CNKSR2: variants seen among roughly 807,000 people sequenced by gnomAD.
CNKSR2 encodes CNK homolog protein 2.
In CNKSR2, 14 loss-of-function variants were observed where a neutral mutation model predicts 84.4. The observed-to-expected ratio is 0.17, with a 90% CI of 0.11 to 0.26. The LOEUF is 0.26. Ranked by LOEUF, CNKSR2 falls within the 10% of genes least tolerant of loss-of-function variation. The pLI, the probability that CNKSR2 is intolerant of heterozygous loss-of-function variation, is 1.00. For missense variants in CNKSR2, 485 were observed against 771.2 expected (o/e 0.63, Z 4.40); for synonymous variants, 275 against 277.9 (o/e 0.99, Z 0.10).
rs2092580478 is a variant in CNKSR2 at position 21,617,113 on chromosome X, T to A, written c.2692+7496T>A. ...GCAAGTTATGATTTATGTTATGTTA[T>A]TTTTTTTTACTGAGAGAGATTATTA... On this transcript the variant is annotated intron_variant, in intron 20 of 21. Coordinates refer to ENST00000379510, the MANE Select transcript of CNKSR2 (RefSeq NM_014927.5). Among the ~76,000 whole-genome samples, 4 of 109,725 alleles carry A rather than the reference T, an allele frequency of 3.6e-5. No individual in the cohort carries two copies. In the South Asian group the frequency reaches 1.5e-3, roughly 42 times the overall value.
chrX:21,542,160 A>G (rs936831262), intron 11 of CNKSR2, among the ~76,000 whole-genome samples: 2 of 112,418 alleles, frequency 1.8e-5, no homozygotes. Flanking sequence ...AGAGTATAAA[A>G]TAGGTTTACT....
intron 8 of CNKSR2, among the ~76,000 whole-genome samples, chrX:21,512,873 T>G (rs938802401): frequency 8.9e-6 from 1 of 111,786 alleles, no homozygotes; most frequent in Non-Finnish European, 1.9e-5. Flanking sequence ...ATACTGTGCT[T>G]TAGAATTGAA....
rs941334192 is a variant in CNKSR2, at chrX:21,374,613, G to A, written c.-285G>A. Reference sequence around the variant, plus strand: ...GGCGGAGGCAGCAGCAGCAGCAGCAGCAGCAGCAGCAGCAGCAGCCGCCGC... The same window carrying A: ...GGCGGAGGCAGCAGCAGCAGCAGCAACAGCAGCAGCAGCAGCAGCCGCCGC... On this transcript the variant is annotated 5_prime_UTR_variant, in exon 1 of 22. Transcript: ENST00000379510. The A allele has an allele frequency of 9.7e-5, 49 of 503,785 alleles. 1 individual carries two copies. The East Asian group carries it at 1.5e-3, about 15-fold the overall frequency. The allele number at this position is 503,785 out of a possible 1,213,427, so 41.5% of individuals were successfully genotyped here.
chrX:21,532,503 C>G (rs1243967048), intron 11 of CNKSR2, among the ~76,000 whole-genome samples: 10 of 109,537 alleles, frequency 9.1e-5, no homozygotes, highest in Admixed American at 8.8e-4. Context: ...AAATTCTCAC[C>G]TCAGTTTTTG....
At chrX:21,381,205 G>A in intron 1 of CNKSR2, among the ~76,000 whole-genome samples, 1 of 111,460 alleles carries the variant, frequency 9.0e-6, no homozygotes, top group Non-Finnish European at 1.9e-5. Flanking sequence ...TTATATTCAT[G>A]ATGTAGAAAG....
At chrX:21,416,193 AAAT>A (rs1484034549) in intron 1 of CNKSR2, among the ~76,000 whole-genome samples, 1 of 112,059 alleles carries the variant, frequency 8.9e-6, no homozygotes, top group Non-Finnish European at 1.9e-5. Flanking sequence ...GCATCAAATG[AAAT>A]GATCAGATGG....
chrX:21,492,626 T>C (rs2091453681), intron 6 of CNKSR2: 1 of 111,355 alleles, frequency 9.0e-6, no homozygotes, highest in African/African-American at 3.3e-5. Flanking sequence ...ACTTTAAAAC[T>C]GAAATTACTT....
chrX:21,450,485 A>T (rs1442580182), intron 4 of CNKSR2, among the ~76,000 whole-genome samples: 2 of 112,004 alleles, frequency 1.8e-5, no homozygotes, highest in African/African-American at 6.5e-5. Flanking sequence ...CAATCTAAAT[A>T]GATAAAAGAG....
intron 20 of CNKSR2, among the ~76,000 whole-genome samples, chrX:21,646,183 T>TTGG (rs2092706408): frequency 9.0e-6 from 1 of 111,305 alleles, no homozygotes; most frequent in African/African-American, 3.3e-5. Context: ...GGAGCCACAC[T>TTGG]ATCCCATTAC....
chrX:21,545,006 C>G (rs1416776646), intron 11 of CNKSR2, among the ~76,000 whole-genome samples: 1 of 111,099 alleles, frequency 9.0e-6, no homozygotes, highest in African/African-American at 3.3e-5. Context: ...TTTTTCCTAC[C>G]CCATTGACAC....
intron 20 of CNKSR2, among the ~76,000 whole-genome samples, chrX:21,624,518 GT>G (rs201159239): frequency 2.8e-5 from 3 of 108,994 alleles, no homozygotes; most frequent in Admixed American, 9.7e-5. Flanking sequence ...TTGTTTTTTT[GT>G]TTTTTTTTGA....
chrX:21,622,493 C>A (rs1261221163), intron 20 of CNKSR2, among the ~76,000 whole-genome samples: 1 of 111,409 alleles, frequency 9.0e-6, no homozygotes, highest in African/African-American at 3.2e-5. Flanking sequence ...AAGTACTGAT[C>A]ATTAAAACTT....
At chrX:21,391,737 C>T (rs1045293885) in intron 1 of CNKSR2, among the ~76,000 whole-genome samples, 1 of 112,504 alleles carries the variant, frequency 8.9e-6, no homozygotes, top group Admixed American at 9.4e-5. Flanking sequence ...CAGATGTCTA[C>T]AGCTATCTTG....
chrX:21,473,422 A>G (rs1018279766), intron 5 of CNKSR2, among the ~76,000 whole-genome samples: 2 of 111,583 alleles, frequency 1.8e-5, no homozygotes, highest in Middle Eastern at 4.2e-3. Flanking sequence ...TGAGGCTAGA[A>G]TAGTTTCTTT....
chrX:21,571,542 G>A (rs913763338), intron 13 of CNKSR2, among the ~76,000 whole-genome samples: 3 of 111,826 alleles, frequency 2.7e-5, no homozygotes, highest in Non-Finnish European at 5.6e-5. Context: ...GATCCTATGA[G>A]GTTGATATCA....
At chrX:21,546,535 C>T (rs1207768614) in intron 11 of CNKSR2, among the ~76,000 whole-genome samples, 2 of 110,833 alleles carry the variant, frequency 1.8e-5, no homozygotes, top group African/African-American at 6.6e-5. Context: ...ACTTACCCAA[C>T]CTAGCAAGAC....
At chrX:21,511,502 G>A (rs776971399) in intron 8 of CNKSR2, among the ~76,000 whole-genome samples, 3 of 110,294 alleles carry the variant, frequency 2.7e-5, no homozygotes, top group East Asian at 5.7e-4. Flanking sequence ...GCAGTATGCC[G>A]TGAGATTCAC....
chrX:21,646,949 T>C (rs1406441859), intron 20 of CNKSR2, among the ~76,000 whole-genome samples: 1 of 112,102 alleles, frequency 8.9e-6, no homozygotes, highest in Non-Finnish European at 1.9e-5. Flanking sequence ...TAAATGATCA[T>C]ATGATTTTGT....
intron 13 of CNKSR2, among the ~76,000 whole-genome samples, chrX:21,569,737 A>G (rs890282678): frequency 5.3e-5 from 6 of 112,341 alleles, no homozygotes; most frequent in Non-Finnish European, 9.4e-5. Context: ...TTCTTAAATA[A>G]TAAGACTTGA....
Sources: gnomAD v4.1 joint callset for allele counts (sites outside exome capture counted in the v4.1 genomes callset) on GRCh38, gnomAD v4.1.1 for gene constraint, MANE v1.5 for transcripts, NCBI Gene and HGNC (gene_info 2026-07-23, HGNC 2026-07-21) for gene names.